RAD51B: variants seen among roughly 807,000 people sequenced by gnomAD.
The protein encoded by RAD51B is DNA repair protein RAD51 homolog 2.
RAD51B carries 38 observed loss-of-function variants against 42.2 expected under a neutral mutation model. The ratio of observed to expected loss-of-function variants is 0.90; its 90% CI spans 0.70 to 1.18. The LOEUF (loss-of-function observed/expected upper bound fraction) is 1.18. RAD51B is among the 50% of genes most tolerant of loss of function. The probability of loss-of-function intolerance (pLI) is 0.00; values close to 1 mark genes in which losing one functional copy is unlikely to be tolerated. For missense variants in RAD51B, 373 were observed against 400.7 expected, an observed-to-expected ratio of 0.93 and a Z score of 0.59; for synonymous variants, 154 against 145.2, an observed-to-expected ratio of 1.06 and a Z score of -0.43.
chr14:68,516,028 G>A (rs1305226598), intron 10 of RAD51B, among the ~76,000 whole-genome samples: 3 of 151,568 alleles, frequency 2.0e-5, no homozygotes, highest in Non-Finnish European at 2.9e-5. Flanking sequence ...CTTGTGGTCC[G>A]CCCACCTCGG....
intron 7 of RAD51B, among the ~76,000 whole-genome samples, chr14:68,097,245 A>C (rs1308175831): frequency 6.6e-6 from 1 of 152,082 alleles, no homozygotes; most frequent in Non-Finnish European, 1.5e-5. Context: ...TGTAAATTTC[A>C]TAATTTTTAT....
intron 8 of RAD51B, among the ~76,000 whole-genome samples, chr14:68,400,409 G>A (rs2084067231): frequency 6.6e-6 from 1 of 152,236 alleles, no homozygotes; most frequent in Non-Finnish European, 1.5e-5. Context: ...CCAGCACTCA[G>A]GGATATACCC....
At chr14:67,983,809 GTGGCCTGTGC>G in intron 7 of RAD51B, among the ~76,000 whole-genome samples, 2 of 149,666 alleles carry the variant, frequency 1.3e-5, no homozygotes, top group African/African-American at 5.1e-5. Flanking sequence ...TGGCAAATAA[GTGGCCTGTGC>G]TGAAAATTGT....
intron 7 of RAD51B, among the ~76,000 whole-genome samples, chr14:68,114,714 A>G (rs1056583080): frequency 6.6e-6 from 1 of 152,136 alleles, no homozygotes; most frequent in Non-Finnish European, 1.5e-5. Context: ...TTAATATTTC[A>G]TTTTTATTGG....
chr14:68,592,894 A>G (rs1470516524), intron 10 of RAD51B, among the ~76,000 whole-genome samples: 1 of 145,632 alleles, frequency 6.9e-6, no homozygotes, highest in Non-Finnish European at 1.6e-5. Flanking sequence ...CGTCATTCTT[A>G]TGGTCTGAGA....
chr14:68,448,820 A>G (rs1323050356), intron 9 of RAD51B, among the ~76,000 whole-genome samples: 5 of 152,140 alleles, frequency 3.3e-5, no homozygotes, highest in African/African-American at 1.2e-4. Flanking sequence ...TTGACTTTCC[A>G]TGTATAAGAG....
chr14:68,190,162 C>T lies in RAD51B; in HGVS notation c.757-101722C>T, dbSNP rs187794931. On this transcript the variant is annotated intron_variant, in intron 7 of 10. Transcript: ENST00000471583. Reference sequence around the variant, plus strand: ...AAAAGCTAGATGTAGAAAACTTGCTCGGAGTAATTTGATTCAACAAAAGAG... The same window carrying T: ...AAAAGCTAGATGTAGAAAACTTGCTTGGAGTAATTTGATTCAACAAAAGAG... Among the ~76,000 whole-genome samples the T allele has an allele frequency of 4.7e-5, 7 of 150,332 alleles. No individual in the cohort carries two copies. The East Asian group carries it at 1.2e-3, about 26-fold the overall frequency.
At chr14:68,228,635 G>A (rs1438961460) in intron 7 of RAD51B, among the ~76,000 whole-genome samples, 1 of 152,102 alleles carries the variant, frequency 6.6e-6, no homozygotes. Context: ...ATAAATTTGT[G>A]TTGAATGACA....
At chr14:68,240,868 A>G (rs1290113968) in intron 7 of RAD51B, among the ~76,000 whole-genome samples, 2 of 152,276 alleles carry the variant, frequency 1.3e-5, no homozygotes, top group South Asian at 2.1e-4. Flanking sequence ...GAACTAGCAT[A>G]TGCTTTGCCT....
chr14:67,917,472 C>T (rs2044192968), intron 7 of RAD51B, among the ~76,000 whole-genome samples: 1 of 152,138 alleles, frequency 6.6e-6, no homozygotes, highest in South Asian at 2.1e-4. Flanking sequence ...CAGCAGCGAG[C>T]CATGAGGGAT....
intron 7 of RAD51B, among the ~76,000 whole-genome samples, chr14:67,992,675 A>G (rs2075314593): frequency 6.6e-6 from 1 of 152,174 alleles, no homozygotes; most frequent in African/African-American, 2.4e-5. Flanking sequence ...TTACTTTTCC[A>G]AGAAGCTTTA....
At chr14:67,838,645 A>C (rs112520499) in intron 4 of RAD51B, among the ~76,000 whole-genome samples, 16 of 152,092 alleles carry the variant, frequency 1.1e-4, no homozygotes, top group African/African-American at 3.9e-4. Context: ...AGGGCTTGCT[A>C]TGTTGCCCAG....
At chr14:68,498,506 G>T (rs1359011411) in intron 10 of RAD51B, among the ~76,000 whole-genome samples, 1 of 152,134 alleles carries the variant, frequency 6.6e-6, no homozygotes, top group Non-Finnish European at 1.5e-5. Flanking sequence ...CAGTGGTGGG[G>T]GACTCTGTGA....
chr14:68,368,928 G>C (rs1262234766), intron 8 of RAD51B, among the ~76,000 whole-genome samples: 3 of 152,220 alleles, frequency 2.0e-5, no homozygotes, highest in Non-Finnish European at 2.9e-5. Context: ...TTGACATTTT[G>C]TGGCTCATTT....
intron 7 of RAD51B, among the ~76,000 whole-genome samples, chr14:68,024,508 T>C (rs1267099651): frequency 1.3e-5 from 2 of 152,168 alleles, no homozygotes; most frequent in African/African-American, 4.8e-5. Context: ...TCATCTCTGA[T>C]TTTTTCAGCA....
chr14:68,057,841 G>GTA (rs1226836140), intron 7 of RAD51B, among the ~76,000 whole-genome samples: 7 of 151,550 alleles, frequency 4.6e-5, no homozygotes, highest in Admixed American at 4.6e-4. Flanking sequence ...GTGTGTGTGT[G>GTA]TGTGTGTGTG....
chr14:68,618,534 C>T (rs567489434), intron 10 of RAD51B, among the ~76,000 whole-genome samples: 77 of 152,230 alleles, frequency 5.1e-4, no homozygotes, highest in African/African-American at 1.7e-3. Flanking sequence ...AGTATTGCAC[C>T]TTCCTTTGTT....
At chr14:68,255,555 G>A (rs774155095) in intron 7 of RAD51B, among the ~76,000 whole-genome samples, 1 of 152,182 alleles carries the variant, frequency 6.6e-6, no homozygotes, top group Non-Finnish European at 1.5e-5. Flanking sequence ...AGACTGTATT[G>A]TTGAGTTACA....
intron 7 of RAD51B, among the ~76,000 whole-genome samples, chr14:68,256,542 C>CAGCT (rs2080757065): frequency 6.6e-6 from 1 of 152,176 alleles, no homozygotes; most frequent in South Asian, 2.1e-4. Context: ...TCCCCAGGAA[C>CAGCT]AGCTCTACTG....
Sources: allele counts gnomAD v4.1 joint callset (sites outside exome capture counted in the v4.1 genomes callset), GRCh38; gene constraint gnomAD v4.1.1; transcripts MANE v1.5; gene names NCBI Gene and HGNC (gene_info 2026-07-23, HGNC 2026-07-21).